RGS7: variants seen among roughly 807,000 people sequenced by gnomAD.
RGS7 encodes the protein regulator of G-protein signaling 7.
In RGS7, 27 loss-of-function variants were observed where a neutral mutation model predicts 81.1. The observed-to-expected ratio is 0.33, with a 90% CI of 0.25 to 0.46. The LOEUF is 0.46. Among genes scored for constraint, RGS7 ranks in the 20% least tolerant of loss-of-function variants. The pLI, the probability that RGS7 is intolerant of heterozygous loss-of-function variation, is 1.00. For synonymous variants in RGS7, 208 were observed against 207.7 expected (o/e 1.00, Z -0.01); for missense variants, 396 against 607.4 (o/e 0.65, Z 3.66).
intron 6 of RGS7, among the ~76,000 whole-genome samples, chr1:240,908,734 T>G (rs1284152918): frequency 1.3e-5 from 2 of 152,314 alleles, no homozygotes; most frequent in African/African-American, 4.8e-5. Context: ...GCTTACCTGA[T>G]TCAATTAATT....
intron 9 of RGS7, among the ~76,000 whole-genome samples, chr1:240,831,500 C>A (rs150564883): frequency 1.3e-4 from 20 of 152,174 alleles, no homozygotes; most frequent in Admixed American, 7.2e-4. Flanking sequence ...AATGAAGGCA[C>A]GAGCCCTATC....
chr1:240,822,157 A>T (rs1286732720), intron 10 of RGS7, among the ~76,000 whole-genome samples: 1 of 152,198 alleles, frequency 6.6e-6, no homozygotes, highest in Non-Finnish European at 1.5e-5. Flanking sequence ...AATCAGTTGA[A>T]GTCCTTAATA....
At chr1:241,110,858 T>C (rs7521542) in intron 2 of RGS7, among the ~76,000 whole-genome samples, 21,525 of 151,940 alleles carry the variant, frequency 0.14, 1,894 homozygotes, top group African/African-American at 0.24. Flanking sequence ...CTAATTTTTG[T>C]ATTTTTAGTA....
At chr1:241,208,391 T>C (rs1433776481) in intron 2 of RGS7, among the ~76,000 whole-genome samples, 3 of 152,112 alleles carry the variant, frequency 2.0e-5, no homozygotes, top group Non-Finnish European at 2.9e-5. Flanking sequence ...ACCACGACAC[T>C]GCTGGCAAGA....
chr1:241,341,190 T>C (rs2082523753), intron 2 of RGS7, among the ~76,000 whole-genome samples: 1 of 152,122 alleles, frequency 6.6e-6, no homozygotes, highest in Admixed American at 6.5e-5. Context: ...TACAACACCA[T>C]CGTGAAGCAG....
intron 4 of RGS7, among the ~76,000 whole-genome samples, chr1:240,950,876 A>G (rs1679436394): frequency 6.6e-6 from 1 of 152,112 alleles, no homozygotes; most frequent in Non-Finnish European, 1.5e-5. Flanking sequence ...TAAAGGCCTG[A>G]GTTCCCATTA....
At chr1:241,343,501 G>C (rs992193473) in intron 2 of RGS7, among the ~76,000 whole-genome samples, 1 of 152,170 alleles carries the variant, frequency 6.6e-6, no homozygotes, top group Non-Finnish European at 1.5e-5. Context: ...TTAAAAAGGA[G>C]AAAATTCTGG....
At chr1:240,911,383 T>G (rs1404673057) in intron 6 of RGS7, among the ~76,000 whole-genome samples, 1 of 152,192 alleles carries the variant, frequency 6.6e-6, no homozygotes, top group African/African-American at 2.4e-5. Context: ...TCTCATTTTC[T>G]CTCTTGATTC....
chr1:241,100,459 C>A (rs765300427), intron 2 of RGS7, among the ~76,000 whole-genome samples: 1 of 150,990 alleles, frequency 6.6e-6, no homozygotes, highest in Non-Finnish European at 1.5e-5. Context: ...TTGGTATCAA[C>A]GGATGTATTA....
chr1:241,269,567 T>C (rs2077763336), intron 2 of RGS7, among the ~76,000 whole-genome samples: 1 of 152,174 alleles, frequency 6.6e-6, no homozygotes. Flanking sequence ...TGTGTCCATA[T>C]GCTCCTGGTA....
intron 2 of RGS7, among the ~76,000 whole-genome samples, chr1:241,259,426 G>T (rs1000329513): frequency 3.3e-5 from 5 of 151,430 alleles, no homozygotes; most frequent in African/African-American, 1.2e-4. Context: ...AGGCTGAGGC[G>T]GGTGGATCAC....
chr1:240,838,120 A>T (rs898866103), intron 9 of RGS7, among the ~76,000 whole-genome samples: 1 of 152,202 alleles, frequency 6.6e-6, no homozygotes, highest in Non-Finnish European at 1.5e-5. Flanking sequence ...AACAATAGAC[A>T]TTTATTTCTC....
At chr1:241,204,704 C>CA (rs943721285) in intron 2 of RGS7, among the ~76,000 whole-genome samples, 220 of 131,274 alleles carry the variant, frequency 1.7e-3, no homozygotes, top group East Asian at 7.6e-3. Context: ...TTATTTTCTG[C>CA]AAAAAAAAAA....
At chr1:241,183,123 T>C (rs2071783580) in intron 2 of RGS7, among the ~76,000 whole-genome samples, 1 of 152,082 alleles carries the variant, frequency 6.6e-6, no homozygotes, top group African/African-American at 2.4e-5. Context: ...TTCTCCTCAT[T>C]AGAGATCGCC....
intron 2 of RGS7, among the ~76,000 whole-genome samples, chr1:241,184,771 A>C (rs2071945524): frequency 6.6e-6 from 1 of 152,242 alleles, no homozygotes; most frequent in Admixed American, 6.5e-5. Flanking sequence ...CCAAAAAAAA[A>C]CCCCGAATTC....
At chr1:241,133,136 T>C (rs894327791) in intron 2 of RGS7, among the ~76,000 whole-genome samples, 5 of 152,180 alleles carry the variant, frequency 3.3e-5, no homozygotes, top group African/African-American at 1.2e-4. Flanking sequence ...TGTATTGTAG[T>C]ACATTGTAAA....
intron 15 of RGS7, among the ~76,000 whole-genome samples, chr1:240,803,720 G>A (rs1688377652): frequency 6.6e-6 from 1 of 151,798 alleles, no homozygotes; most frequent in Non-Finnish European, 1.5e-5. Flanking sequence ...ACCCAATCTA[G>A]GGAGGTTCCA....
intron 6 of RGS7, among the ~76,000 whole-genome samples, chr1:240,885,486 G>A (rs2995380): frequency 0.019 from 2,931 of 152,194 alleles, 91 homozygotes; most frequent in African/African-American, 0.068. Context: ...GCAAAGACAT[G>A]GAATCAGCCT....
rs138727726 is a variant in RGS7, at chr1:240,903,596, G to A, written c.385+27121C>T. Among the ~76,000 whole-genome samples, 124 of 152,204 alleles carry A rather than the reference G, an allele frequency of 8.1e-4. 1 individual carries two copies. Among genetic ancestry groups the A allele is most frequent in the African/African-American group, 2.8e-3 (117 of 41,532 alleles). ...CCCACAACAATGCTGATCTTCCTAT[G>A]ATGAGTCCAAGATTTTGCAACATTT... On this transcript the variant is annotated intron_variant, in intron 6 of 18. Transcript: ENST00000440928.
Sources: gnomAD v4.1 joint callset for allele counts (sites outside exome capture counted in the v4.1 genomes callset) on GRCh38, gnomAD v4.1.1 for gene constraint, MANE v1.5 for transcripts, NCBI Gene and HGNC (gene_info 2026-07-23, HGNC 2026-07-21) for gene names.